SUGCT: variants seen among roughly 807,000 people sequenced by gnomAD.
SUGCT encodes succinyl-CoA:glutarate CoA-transferase.
Under a neutral mutation model 55.0 loss-of-function variants are expected in SUGCT, and 41 were observed. That is an observed-to-expected ratio of 0.74 (90% CI 0.58 to 0.97). The LOEUF (loss-of-function observed/expected upper bound fraction) is 0.97, where lower values mean the gene tolerates loss of function less well. Ranked by LOEUF, SUGCT falls within the 50% of genes least tolerant of loss-of-function variation. SUGCT has a pLI of 0.00. For synonymous variants in SUGCT, 187 were observed against 200.4 expected, an observed-to-expected ratio of 0.93 and a Z score of 0.56; for missense variants, 568 against 547.8, an observed-to-expected ratio of 1.04 and a Z score of -0.37.
chr7:40,553,197 C>T (rs1795389490), intron 12 of SUGCT, among the ~76,000 whole-genome samples: 1 of 152,178 alleles, frequency 6.6e-6, no homozygotes, highest in Non-Finnish European at 1.5e-5. Context: ...TATACGTTCT[C>T]TCTTCAAAAT....
chr7:40,180,193 G>T (rs1311093564), intron 1 of SUGCT, among the ~76,000 whole-genome samples: 1 of 150,952 alleles, frequency 6.6e-6, no homozygotes. Context: ...GCTCGATCTC[G>T]GCTCGCTACA....
chr7:40,601,966 A>T (rs1798313960), intron 12 of SUGCT, among the ~76,000 whole-genome samples: 1 of 152,190 alleles, frequency 6.6e-6, no homozygotes, highest in African/African-American at 2.4e-5. Flanking sequence ...CAACATTTTC[A>T]TTTAGAAATA....
chr7:40,274,113 C>T (rs1445771315), intron 7 of SUGCT, among the ~76,000 whole-genome samples: 3 of 106,288 alleles, frequency 2.8e-5, no homozygotes, highest in African/African-American at 1.1e-4. Flanking sequence ...GAGAGCCTCT[C>T]ACCCAATAGG....
At chr7:40,440,682 C>G (rs975379738) in intron 9 of SUGCT, among the ~76,000 whole-genome samples, 1 of 152,082 alleles carries the variant, frequency 6.6e-6, no homozygotes, top group Non-Finnish European at 1.5e-5. Context: ...GATCACTTTT[C>G]TAGGGACTCT....
At chr7:40,988,536 T>G in the SUGCT span, among the ~76,000 whole-genome samples, 5 of 152,056 alleles carry the variant, frequency 3.3e-5, no homozygotes, top group Non-Finnish European at 5.9e-5. Context: ...TATAGAGTGC[T>G]CTACAGCTGT....
intron 11 of SUGCT, among the ~76,000 whole-genome samples, chr7:40,490,070 G>A (rs1791598729): frequency 1.3e-5 from 2 of 152,196 alleles, no homozygotes; most frequent in Non-Finnish European, 2.9e-5. Context: ...CATGGCCAGT[G>A]CCACCCAGGC....
At chr7:41,020,578 A>G in the SUGCT span, among the ~76,000 whole-genome samples, 1 of 152,200 alleles carries the variant, frequency 6.6e-6, no homozygotes. Context: ...ACTCATTCAT[A>G]TATGTATTTT....
chr7:40,227,215 T>A (rs1410445275), intron 6 of SUGCT, among the ~76,000 whole-genome samples: 1 of 151,552 alleles, frequency 6.6e-6, no homozygotes, highest in African/African-American at 2.4e-5. Context: ...CCTGGCTAAT[T>A]TTTTTGTATT....
At chr7:40,463,481 A>G (rs1219532781) in intron 11 of SUGCT, among the ~76,000 whole-genome samples, 1 of 152,044 alleles carries the variant, frequency 6.6e-6, no homozygotes, top group Non-Finnish European at 1.5e-5. Context: ...GTAAGCCTTC[A>G]TTTATATTTT....
intron 9 of SUGCT, among the ~76,000 whole-genome samples, chr7:40,389,955 C>A (rs1785332638): frequency 1.3e-5 from 2 of 152,188 alleles, no homozygotes; most frequent in Non-Finnish European, 2.9e-5. Flanking sequence ...TGGGCTTCAT[C>A]CCTGGGATGC....
At chr7:40,747,221 A>T (rs1265395380) in intron 12 of SUGCT, among the ~76,000 whole-genome samples, 2 of 152,194 alleles carry the variant, frequency 1.3e-5, no homozygotes, top group Non-Finnish European at 2.9e-5. Context: ...GGAGGTTGAC[A>T]TCGTTGTTTA....
chr7:40,810,891 G>A (rs1448954673), intron 13 of SUGCT, among the ~76,000 whole-genome samples: 1 of 152,070 alleles, frequency 6.6e-6, no homozygotes, highest in Non-Finnish European at 1.5e-5. Flanking sequence ...GTTATAGTAT[G>A]AGGTCTTACA....
In SUGCT at chr7:40,305,138, T is replaced by G. The variant is rs193223628; in HGVS notation, c.721-11622T>G. 3.3e-3 allele frequency among the ~76,000 whole-genome samples: 502 copies of G among 152,274 alleles called. 2 individuals carry two copies. The highest frequency in any genetic ancestry group is 0.011 in the African/African-American group (469 of 41,570). ...CTAACTCAGCCTCTATGTTTATCCA[T>G]CTGGTATGTGGGGAAGGAACAAGTG... is the stretch of plus-strand genomic sequence containing the variant. On this transcript the variant is annotated intron_variant, in intron 8 of 13. Transcript: ENST00000335693.
intron 12 of SUGCT, among the ~76,000 whole-genome samples, chr7:40,724,215 C>G (rs538702511): frequency 3.3e-5 from 5 of 152,228 alleles, no homozygotes; most frequent in Admixed American, 6.5e-5. Context: ...CATGGGGGAA[C>G]TATCAAGTAG....
At chr7:40,457,256 A>G (rs112718829) in intron 10 of SUGCT, among the ~76,000 whole-genome samples, 1 of 152,076 alleles carries the variant, frequency 6.6e-6, no homozygotes, top group African/African-American at 2.4e-5. Context: ...CCTGACCAAC[A>G]TGGTAAAACC....
chr7:40,335,599 G>A (rs1276087129), intron 9 of SUGCT, among the ~76,000 whole-genome samples: 1 of 152,158 alleles, frequency 6.6e-6, no homozygotes, highest in Non-Finnish European at 1.5e-5. Context: ...CATTGATTTT[G>A]TATCCTGAGA....
intron 12 of SUGCT, among the ~76,000 whole-genome samples, chr7:40,581,964 G>A (rs1472078803): frequency 6.6e-6 from 1 of 152,066 alleles, no homozygotes; most frequent in Non-Finnish European, 1.5e-5. Context: ...ATAAAACAGA[G>A]AAAGGAAACA....
chr7:40,598,323 A>G (rs952358308), intron 12 of SUGCT, among the ~76,000 whole-genome samples: 2 of 152,180 alleles, frequency 1.3e-5, no homozygotes, highest in African/African-American at 4.8e-5. Context: ...TGATTCAGCC[A>G]AGAGATTCTA....
chr7:40,718,382 T>C (rs2128681100), intron 12 of SUGCT, among the ~76,000 whole-genome samples: 2 of 152,334 alleles, frequency 1.3e-5, no homozygotes, highest in East Asian at 3.9e-4. Flanking sequence ...CTGTTTTTCA[T>C]GTTGTGATAC....
Sources: gnomAD v4.1 joint callset for allele counts (sites outside exome capture counted in the v4.1 genomes callset) on GRCh38, gnomAD v4.1.1 for gene constraint, MANE v1.5 for transcripts, NCBI Gene and HGNC (gene_info 2026-07-23, HGNC 2026-07-21) for gene names.